WWOX: variants seen among roughly 807,000 people sequenced by gnomAD.
WWOX encodes WW domain containing oxidoreductase.
WWOX carries 69 observed loss-of-function variants against 46.2 expected under a neutral mutation model. The ratio of observed to expected loss-of-function variants is 1.49; its 90% CI spans 1.23 to 1.82. The LOEUF (loss-of-function observed/expected upper bound fraction) is 1.82, where lower values mean the gene tolerates loss of function less well. Among genes scored for constraint, WWOX ranks in the 40% most tolerant of loss-of-function variants. The pLI is 0.00. For missense variants in WWOX, 919 were observed against 542.6 expected (o/e 1.69, Z -6.89); for synonymous variants, 359 against 202.6 (o/e 1.77, Z -6.56).
At chr16:78,647,395 C>T (rs2142132837) in intron 8 of WWOX, among the ~76,000 whole-genome samples, 1 of 152,278 alleles carries the variant, frequency 6.6e-6, no homozygotes, top group East Asian at 1.9e-4. Context: ...CTCATTGCTT[C>T]TGTGGGTCTC....
At chr16:79,182,008 T>G (rs2050921876) in intron 8 of WWOX, among the ~76,000 whole-genome samples, 1 of 152,190 alleles carries the variant, frequency 6.6e-6, no homozygotes, top group South Asian at 2.1e-4. Context: ...GGGCAGTTTG[T>G]GGATTCTGCA....
rs371788331 is a variant in WWOX, at chr16:78,216,072, G to T, written c.516+51783G>T. Among the ~76,000 whole-genome samples, 430 of 152,250 alleles carry T rather than the reference G, an allele frequency of 2.8e-3. 2 individuals carry two copies. Among genetic ancestry groups the T allele is most frequent in the African/African-American group, 8.6e-3 (359 of 41,538 alleles). On this transcript the variant is annotated intron_variant, in intron 5 of 8. Coordinates refer to ENST00000566780, the MANE Select transcript of WWOX (RefSeq NM_016373.4). ...GACACAAACACATCGCTAACCAATG[G>T]TCTCATCCGTCAGCCACACTGCCTG...
chr16:78,766,779 T>C (rs1047108668), intron 8 of WWOX, among the ~76,000 whole-genome samples: 15 of 152,250 alleles, frequency 9.9e-5, no homozygotes, highest in Non-Finnish European at 1.0e-4. Context: ...CTTTACTTTT[T>C]TTATTTTGGC....
intron 8 of WWOX, among the ~76,000 whole-genome samples, chr16:78,795,046 G>A (rs2050701608): frequency 6.6e-6 from 1 of 152,172 alleles, no homozygotes; most frequent in Non-Finnish European, 1.5e-5. Context: ...GATTTTTCCA[G>A]CCAACTCATT....
At chr16:78,755,904 T>A (rs1045375708) in intron 8 of WWOX, among the ~76,000 whole-genome samples, 2 of 152,144 alleles carry the variant, frequency 1.3e-5, no homozygotes, top group Non-Finnish European at 1.5e-5. Flanking sequence ...TTCATAGGAT[T>A]TTTGTCAGGA....
chr16:78,126,407 A>G (rs1453313564), intron 4 of WWOX, among the ~76,000 whole-genome samples: 1 of 152,236 alleles, frequency 6.6e-6, no homozygotes, highest in African/African-American at 2.4e-5. Context: ...AATTTTTAAA[A>G]AATATCACTT....
intron 8 of WWOX, among the ~76,000 whole-genome samples, chr16:79,072,668 T>C (rs930191541): frequency 1.3e-5 from 2 of 152,238 alleles, no homozygotes; most frequent in African/African-American, 2.4e-5. Context: ...TTAGCTGTCA[T>C]CTTCATCATC....
Position 79,156,305 on chromosome 16 carries a change from T to A in WWOX, c.1057-55303T>A, listed in dbSNP as rs140341069. Among the ~76,000 whole-genome samples, 17 of 152,260 alleles carry A rather than the reference T, an allele frequency of 1.1e-4. No individual in the cohort carries two copies. In the East Asian group the frequency reaches 3.3e-3, roughly 29 times the overall value. ...ACCTCCAGAATAGCTAAGACCCAGG[T>A]GCGCACCAACACACTTGGCTAATTT... On this transcript the variant is annotated intron_variant, in intron 8 of 8. Coordinates refer to ENST00000566780, the MANE Select transcript of WWOX (RefSeq NM_016373.4).
intron 8 of WWOX, among the ~76,000 whole-genome samples, chr16:78,720,944 A>G (rs1218808463): frequency 1.3e-5 from 2 of 152,146 alleles, no homozygotes; most frequent in Admixed American, 6.6e-5. Context: ...GCACTTCTCC[A>G]TCATCAGGGG....
At chr16:78,476,866 C>T (rs1039747567) in intron 8 of WWOX, among the ~76,000 whole-genome samples, 11 of 151,984 alleles carry the variant, frequency 7.2e-5, no homozygotes, top group African/African-American at 2.7e-4. Context: ...TCCTTCCCTC[C>T]CTTCCTGATT....
intron 8 of WWOX, among the ~76,000 whole-genome samples, chr16:79,121,665 T>C (rs2049634280): frequency 6.6e-6 from 1 of 152,090 alleles, no homozygotes; most frequent in African/African-American, 2.4e-5. Flanking sequence ...TTTTGGGGCA[T>C]GCGCCAAGGG....
intron 8 of WWOX, among the ~76,000 whole-genome samples, chr16:78,925,404 C>A (rs995881404): frequency 6.6e-6 from 1 of 152,136 alleles, no homozygotes; most frequent in Non-Finnish European, 1.5e-5. Context: ...AGCTCTCAGG[C>A]AAAATATGTC....
chr16:78,138,432 C>T (rs1422504918), intron 4 of WWOX, among the ~76,000 whole-genome samples: 1 of 136,746 alleles, frequency 7.3e-6, no homozygotes, highest in Non-Finnish European at 1.7e-5. Context: ...GATGTGAAAA[C>T]CAAAAGGGAA....
At chr16:78,377,406 G>A (rs574263190) in intron 5 of WWOX, among the ~76,000 whole-genome samples, 170 of 152,260 alleles carry the variant, frequency 1.1e-3, no homozygotes, top group African/African-American at 3.7e-3. Flanking sequence ...TAAATATTAT[G>A]ACAGAGAAAG....
intron 8 of WWOX, among the ~76,000 whole-genome samples, chr16:79,185,966 G>A (rs953650123): frequency 6.6e-6 from 1 of 151,294 alleles, no homozygotes; most frequent in Admixed American, 6.6e-5. Context: ...GTGTGTGCAT[G>A]CGTGTGTGTG....
At chr16:79,024,643 G>C (rs1016804013) in intron 8 of WWOX, among the ~76,000 whole-genome samples, 19 of 151,970 alleles carry the variant, frequency 1.3e-4, no homozygotes, top group African/African-American at 4.6e-4. Flanking sequence ...CACCATGTTA[G>C]CCAGGATGGT....
intron 8 of WWOX, among the ~76,000 whole-genome samples, chr16:78,985,870 T>C (rs1478047781): frequency 6.6e-6 from 1 of 152,240 alleles, no homozygotes; most frequent in African/African-American, 2.4e-5. Flanking sequence ...ATGCCTGCAT[T>C]CCAAATGGCT....
At chr16:78,411,854 G>C (rs558074354) in intron 6 of WWOX, among the ~76,000 whole-genome samples, 1 of 152,312 alleles carries the variant, frequency 6.6e-6, no homozygotes, top group African/African-American at 2.4e-5. Flanking sequence ...GGGGATTCTT[G>C]TTCCTATGAT....
intron 8 of WWOX, among the ~76,000 whole-genome samples, chr16:78,807,514 T>A (rs1209737099): frequency 6.6e-6 from 1 of 152,254 alleles, no homozygotes; most frequent in African/African-American, 2.4e-5. Context: ...TTAAATGTTT[T>A]TGCTTCTACA....
Sources: gnomAD v4.1 joint callset for allele counts (sites outside exome capture counted in the v4.1 genomes callset) on GRCh38, gnomAD v4.1.1 for gene constraint, MANE v1.5 for transcripts, NCBI Gene and HGNC (gene_info 2026-07-23, HGNC 2026-07-21) for gene names.